The following EIF2B3 variants were observed in gnomAD, a reference collection of about 807,000 sequenced individuals.
EIF2B3 encodes translation initiation factor eIF2B subunit gamma.
In EIF2B3, 20 loss-of-function variants were observed where a neutral mutation model predicts 54.1. The observed-to-expected ratio is 0.37, with a 90% CI of 0.26 to 0.54. The LOEUF is 0.54. EIF2B3 is among the 20% of genes least tolerant of loss of function. The pLI, the probability that EIF2B3 is intolerant of heterozygous loss-of-function variation, is 0.86. For missense variants in EIF2B3, 448 were observed against 547.8 expected (o/e 0.82, Z 1.82); for synonymous variants, 153 against 188.1 (o/e 0.81, Z 1.52).
intron 3 of EIF2B3, among the ~76,000 whole-genome samples, chr1:44,974,912 A>C (rs1214245498): frequency 6.6e-6 from 1 of 152,026 alleles, no homozygotes; most frequent in Non-Finnish European, 1.5e-5. Flanking sequence ...TTATCAAGAC[A>C]TGTTCAAAAT....
intron 5 of EIF2B3, among the ~76,000 whole-genome samples, chr1:44,899,355 T>C: frequency 6.6e-6 from 1 of 152,216 alleles, no homozygotes; most frequent in East Asian, 1.9e-4. Context: ...TTAAAGAGCT[T>C]CTGCACAGCA....
chr1:44,977,594 A>G (rs1165826225), intron 3 of EIF2B3, among the ~76,000 whole-genome samples: 3 of 151,688 alleles, frequency 2.0e-5, no homozygotes, highest in Non-Finnish European at 4.4e-5. Context: ...CCTCCCCAGT[A>G]GCTAGGATTA....
Position 44,926,790 on chromosome 1 carries a change from T to A in EIF2B3, c.455-51A>T, listed in dbSNP as rs773282412. ...ATCAAATAAAGCCATTTGCCCTGCC[T>A]GTATGAATACACCAGGGAACACAGT... On this transcript the variant is annotated intron_variant, in intron 4 of 11. Coordinates refer to ENST00000360403, the MANE Select transcript of EIF2B3 (RefSeq NM_020365.5). 8.3e-6 allele frequency: 12 copies of A among 1,443,650 alleles called. No homozygotes were observed. The South Asian group carries it at 1.4e-4, about 16-fold the overall frequency. 89.4% of individuals were successfully genotyped at this position (1,443,650 alleles called of 1,614,324 possible).
At chr1:44,934,671 A>G (rs1643928558) in intron 4 of EIF2B3, among the ~76,000 whole-genome samples, 1 of 151,646 alleles carries the variant, frequency 6.6e-6, no homozygotes, top group Admixed American at 6.6e-5. Context: ...CGCCCAGCTA[A>G]TTTTTGTATT....
At chr1:44,982,342 A>G (rs1217266371) in intron 1 of EIF2B3, among the ~76,000 whole-genome samples, 1 of 152,210 alleles carries the variant, frequency 6.6e-6, no homozygotes, top group African/African-American at 2.4e-5. Context: ...TCTTGTTGCC[A>G]GGCTGGAGTG....
At chr1:44,852,343 T>C (rs548695417) in intron 11 of EIF2B3, among the ~76,000 whole-genome samples, 2 of 152,262 alleles carry the variant, frequency 1.3e-5, no homozygotes, top group Non-Finnish European at 2.9e-5. Context: ...GCACTCTTAC[T>C]ACCCTATGTG....
At chr1:44,899,739 T>C (rs960419922) in intron 5 of EIF2B3, among the ~76,000 whole-genome samples, 2 of 152,222 alleles carry the variant, frequency 1.3e-5, no homozygotes, top group Non-Finnish European at 2.9e-5. Flanking sequence ...TTGGTGGGAA[T>C]GTAAACTAGT....
chr1:44,923,787 CCTT>C (rs1355613934), intron 5 of EIF2B3, among the ~76,000 whole-genome samples: 1 of 151,600 alleles, frequency 6.6e-6, no homozygotes, highest in East Asian at 1.9e-4. Flanking sequence ...CTCCCTCCCT[CCTT>C]CTCTTTCTCT....
At chr1:44,869,121 T>A (rs922290187) in intron 10 of EIF2B3, among the ~76,000 whole-genome samples, 9 of 152,210 alleles carry the variant, frequency 5.9e-5, no homozygotes, top group African/African-American at 2.2e-4. Context: ...TGAAATGGGA[T>A]AAAGTAGTAA....
intron 10 of EIF2B3, among the ~76,000 whole-genome samples, chr1:44,871,346 G>A (rs1654958387): frequency 6.6e-6 from 1 of 152,132 alleles, no homozygotes; most frequent in South Asian, 2.1e-4. Context: ...CTGCCTCCAT[G>A]TTTACCCTGT....
chr1:44,911,796 C>A (rs57217635), intron 5 of EIF2B3, among the ~76,000 whole-genome samples: 1 of 151,342 alleles, frequency 6.6e-6, no homozygotes, highest in Non-Finnish European at 1.5e-5. Context: ...CATGCTGGTG[C>A]GCTGCACCCA....
At chr1:44,924,306 T>C (rs906223007) in intron 5 of EIF2B3, among the ~76,000 whole-genome samples, 1 of 151,652 alleles carries the variant, frequency 6.6e-6, no homozygotes, top group East Asian at 1.9e-4. Context: ...ACCATTCCTC[T>C]TTGTCAATAA....
At chr1:44,915,144 C>T (rs904910490) in intron 5 of EIF2B3, among the ~76,000 whole-genome samples, 2 of 151,280 alleles carry the variant, frequency 1.3e-5, no homozygotes, top group Admixed American at 1.3e-4. Flanking sequence ...ACTTAAAATA[C>T]AAAAATTAGC....
At chr1:44,949,442 T>C (rs1325162698) in intron 3 of EIF2B3, among the ~76,000 whole-genome samples, 1 of 152,252 alleles carries the variant, frequency 6.6e-6, no homozygotes, top group African/African-American at 2.4e-5. Flanking sequence ...AACCTAGTGC[T>C]GGCAAACACG....
At chr1:44,979,928 T>C (rs1430303178) in intron 2 of EIF2B3, among the ~76,000 whole-genome samples, 1 of 152,136 alleles carries the variant, frequency 6.6e-6, no homozygotes, top group African/African-American at 2.4e-5. Flanking sequence ...ATCACACCAC[T>C]GTACTCCAGC....
chr1:44,942,410 TATATATA>T (rs1265600382), intron 3 of EIF2B3, among the ~76,000 whole-genome samples: 34 of 20,344 alleles, frequency 1.7e-3, no homozygotes, highest in Non-Finnish European at 2.9e-3. Context: ...TATATATATA[TATATATA>T]TTTTTTTTTT....
At chr1:44,922,373 G>A (rs1362313491) in intron 5 of EIF2B3, among the ~76,000 whole-genome samples, 1 of 151,438 alleles carries the variant, frequency 6.6e-6, no homozygotes, top group Non-Finnish European at 1.5e-5. Flanking sequence ...GGTCACCTGA[G>A]GTCAGGAGTT....
At chr1:44,895,511 C>CCT (rs146238886) in intron 6 of EIF2B3, among the ~76,000 whole-genome samples, 306 of 150,366 alleles carry the variant, frequency 2.0e-3, no homozygotes, top group Non-Finnish European at 2.5e-3. Context: ...TTAAAAAAAG[C>CCT]CTCTCTCTCT....
In EIF2B3 at chr1:44,853,001, A is replaced by G. The variant is rs555165815; in HGVS notation, c.1307-1998T>C. The stretch of plus-strand genomic sequence containing the variant: ...GGGAATCATGAAGCCGGAGAGCTGG[A>G]CAGTTTACTGATGAATATGTTTAAG... On this transcript the variant is annotated intron_variant, in intron 11 of 11. Coordinates refer to ENST00000360403, the MANE Select transcript of EIF2B3 (RefSeq NM_020365.5). Among the ~76,000 whole-genome samples, 27 of 152,230 alleles carry G rather than the reference A, an allele frequency of 1.8e-4. 1 individual carries two copies. In the South Asian group the frequency reaches 5.0e-3, roughly 28 times the overall value.
Sources: allele counts gnomAD v4.1 joint callset (sites outside exome capture counted in the v4.1 genomes callset), GRCh38; gene constraint gnomAD v4.1.1; transcripts MANE v1.5; gene names NCBI Gene and HGNC (gene_info 2026-07-23, HGNC 2026-07-21).